Variants in RASSF2 observed in about 807,000 individuals in gnomAD.
The protein encoded by RASSF2 is Ras association domain family member 2.
RASSF2 carries 34 observed loss-of-function variants against 46.3 expected under a neutral mutation model. The ratio of observed to expected loss-of-function variants is 0.73; its 90% CI spans 0.56 to 0.98. The LOEUF is 0.98. RASSF2 is among the 50% of genes least tolerant of loss of function. The probability of loss-of-function intolerance (pLI) is 0.00; values close to 1 mark genes in which losing one functional copy is unlikely to be tolerated. For missense variants in RASSF2, 364 were observed against 431.2 expected, an observed-to-expected ratio of 0.84 and a Z score of 1.38; for synonymous variants, 158 against 162.5, an observed-to-expected ratio of 0.97 and a Z score of 0.21.
Position 4,788,285 on chromosome 20 carries a change from A to T in RASSF2, c.640-17T>A. The T allele has an allele frequency of 6.2e-7, 1 of 1,601,574 alleles. No homozygotes were observed. The highest frequency in any genetic ancestry group is 8.6e-7 in the Non-Finnish European group (1 of 1,168,572). ...ATTCTCAATCTGAAGCAGGAGCAAAAGATTCTTGTTGAAAGTTTCTATTTA... is the reference window on the plus strand; with the variant it reads ...ATTCTCAATCTGAAGCAGGAGCAAATGATTCTTGTTGAAAGTTTCTATTTA... On this transcript the variant is annotated splice_polypyrimidine_tract_variant and intron_variant, in intron 8 of 11. Coordinates refer to ENST00000379400, the MANE Select transcript of RASSF2 (RefSeq NM_014737.3).
chr20:4,789,724 G>T, intron 7 of RASSF2, 27 bp from the exon 8 acceptor site: 3 of 1,589,736 alleles, frequency 1.9e-6, no homozygotes, highest in Non-Finnish European at 8.6e-7. Flanking sequence ...CCAGCTCAGG[G>T]TGGGAGTGGG....
chr20:4,819,963 C>A (rs142904002), intron 2 of RASSF2, among the ~76,000 whole-genome samples: 2 of 152,206 alleles, frequency 1.3e-5, no homozygotes, highest in Non-Finnish European at 2.9e-5. Flanking sequence ...AAGCTGTCAC[C>A]GCAAACAGCA....
At chr20:4,808,159 G>A (rs900374812) in intron 2 of RASSF2, among the ~76,000 whole-genome samples, 2 of 152,214 alleles carry the variant, frequency 1.3e-5, no homozygotes, top group African/African-American at 4.8e-5. Context: ...ATTATCTGTG[G>A]CCTTGGAGAC....
In RASSF2 at chr20:4,784,295, G is replaced by A. The variant is rs201378100; in HGVS notation, c.959C>T (p.Ala320Val). ...LMIRQRLEEI[A>V]ETPATI ...GGCTCAGATTGTTGCTGGGGTCTCG[G>A]CTATCTCCTCCAGCCTCTGTCGAAT... is the stretch of plus-strand genomic sequence containing the variant. Residue 320 changes from alanine to valine, a missense_variant, in exon 12 of 12, where the codon GCC becomes GTC. Physicochemically the swap from Ala to Val is moderately conservative, Grantham distance 64. Transcript: ENST00000379400. The A allele has an allele frequency of 2.0e-5, 33 of 1,613,912 alleles. No individual in the cohort carries two copies. In the African/African-American group the frequency reaches 3.5e-4, roughly 17 times the overall value.
intron 6 of RASSF2, among the ~76,000 whole-genome samples, chr20:4,791,793 G>A (rs1199606796): frequency 6.6e-6 from 1 of 152,204 alleles, no homozygotes; most frequent in Non-Finnish European, 1.5e-5. Flanking sequence ...CCAGTAGGGA[G>A]TGATTACATA....
intron 2 of RASSF2, among the ~76,000 whole-genome samples, chr20:4,808,372 C>G (rs1601124227): frequency 6.6e-6 from 1 of 152,046 alleles, no homozygotes; most frequent in African/African-American, 2.4e-5. Context: ...GAGGGGCTTC[C>G]CACATCAGCC....
Position 4,812,206 on chromosome 20 carries a change from G to A in RASSF2, c.-33+10123C>T, listed in dbSNP as rs1311530313. 6.6e-6 allele frequency among the ~76,000 whole-genome samples: 1 copy of A among 152,196 alleles called. No individual in the cohort carries two copies. The highest frequency in any genetic ancestry group is 2.4e-5 in the African/African-American group (1 of 41,430). On this transcript the variant is annotated intron_variant, in intron 2 of 11. Coordinates refer to ENST00000379400, the MANE Select transcript of RASSF2 (RefSeq NM_014737.3). This position sits in a 1 kb window ranked among gnomAD's most constrained non-coding sequence, Gnocchi z 4.0. Reference sequence around the variant, plus strand: ...CATGGGCAAAATGTGGGCTGCCTCGGAAGGAAATGGCATACTCTGCCTTCT... The same window carrying A: ...CATGGGCAAAATGTGGGCTGCCTCGAAAGGAAATGGCATACTCTGCCTTCT...
At position 4,798,549 on chromosome 20, in the gene RASSF2, G is replaced by A. The variant is rs549045432; in HGVS notation, c.60-464C>T. 7.9e-5 allele frequency among the ~76,000 whole-genome samples: 12 copies of A among 152,294 alleles called. No homozygotes were observed. The South Asian group carries it at 1.2e-3, about 16-fold the overall frequency. ...TTCACAAGACTCAGAAGCTGGCTGC[G>A]CGCAGTGGCTCATGCCTGTAATCCC... On this transcript the variant is annotated intron_variant, in intron 3 of 11. Transcript: ENST00000379400.
chr20:4,821,788 G>A (rs1254596954), intron 2 of RASSF2, among the ~76,000 whole-genome samples: 1 of 152,086 alleles, frequency 6.6e-6, no homozygotes, highest in Non-Finnish European at 1.5e-5. Context: ...TCCAAGCTCA[G>A]CCATCATTTG....
At position 4,792,570 on chromosome 20, in the gene RASSF2, C is replaced by T. The variant is rs758087186; in HGVS notation, c.345G>A (p.Pro115=). The T allele has an allele frequency of 9.3e-6, 15 of 1,614,004 alleles. No individual in the cohort carries two copies. Among genetic ancestry groups the T allele is most frequent in the Non-Finnish European group, 1.1e-5 (13 of 1,180,020 alleles). The change falls in exon 6 of 12, where the codon CCG becomes CCA. Residue 115 remains proline (P), a synonymous_variant. Coordinates refer to ENST00000379400, the MANE Select transcript of RASSF2 (RefSeq NM_014737.3). ...PKVQISEVDA[P]PEGDQMPSST... ...AGCTTGGCATCTGGTCACCCTCCGGCGGGGCATCCACCTCTGAGATCTGAA... is the reference window on the plus strand; with the variant it reads ...AGCTTGGCATCTGGTCACCCTCCGGTGGGGCATCCACCTCTGAGATCTGAA...
intron 2 of RASSF2, among the ~76,000 whole-genome samples, chr20:4,811,762 C>A (rs997644160): frequency 3.3e-5 from 5 of 152,172 alleles, no homozygotes; most frequent in Admixed American, 1.3e-4. Context: ...ACCCCAGCCC[C>A]AGGCCCCAAG....
chr20:4,792,685 CG>C, intron 5 of RASSF2, 58 bp from the exon 6 acceptor site: 3 of 1,574,114 alleles, frequency 1.9e-6, no homozygotes, highest in Admixed American at 1.9e-5. Flanking sequence ...TGTGGAGAGA[CG>C]CCCCCGCACC....
intron 2 of RASSF2, among the ~76,000 whole-genome samples, chr20:4,811,268 T>C (rs532227323): frequency 4.3e-4 from 26 of 60,146 alleles, no homozygotes; most frequent in African/African-American, 1.3e-3. Flanking sequence ...GGAGGATCGC[T>C]TGAGCACAGA....
At chr20:4,800,732 C>T (rs924772449) in intron 3 of RASSF2, among the ~76,000 whole-genome samples, 11 of 152,134 alleles carry the variant, frequency 7.2e-5, no homozygotes, top group Admixed American at 1.3e-4. Context: ...AAAGTTTCTG[C>T]GTCTTGACTT....
chr20:4,797,572 GTGGGGACTC>G (rs55641248), intron 4 of RASSF2, among the ~76,000 whole-genome samples: 24,998 of 152,102 alleles, frequency 0.16, 2,186 homozygotes, highest in East Asian at 0.3. Flanking sequence ...CCCACTATCA[GTGGGGACTC>G]TGCTAACATC....
At chr20:4,816,724 T>C (rs1332383435) in intron 2 of RASSF2, among the ~76,000 whole-genome samples, 4 of 152,218 alleles carry the variant, frequency 2.6e-5, no homozygotes, top group Non-Finnish European at 4.4e-5. Context: ...ATAATCACTA[T>C]TGACATTTTA....
At chr20:4,806,037 C>T (rs576757973) in intron 2 of RASSF2, among the ~76,000 whole-genome samples, 2 of 152,178 alleles carry the variant, frequency 1.3e-5, no homozygotes, top group East Asian at 1.9e-4. Context: ...ATGAGGTCAT[C>T]GGGAAAGAAC....
intron 9 of RASSF2, 27 bp from the exon 10 acceptor site, chr20:4,787,781 C>A: frequency 6.2e-7 from 1 of 1,613,864 alleles, no homozygotes; most frequent in Non-Finnish European, 8.5e-7. Flanking sequence ...CCAGGAGCAG[C>A]CCTGAGAGGC....
Position 4,795,914 on chromosome 20 carries a change from C to A in RASSF2, c.188G>T (p.Arg63Leu). The A allele has an allele frequency of 6.3e-7, 1 of 1,597,076 alleles. No individual in the cohort carries two copies. ...EGLLNISWGL[R>L]RPIRLQMQDD... ...CTGCATCTGCAGGCGAATGGGCCGG[C>A]GCAGGCCCCAGGAGATGTTCAGGAG... The change falls in exon 5 of 12, where the codon CGC becomes CTC. Residue 63 changes from arginine to leucine, a missense_variant. Arg to Leu is a moderately radical substitution (Grantham distance 102). Transcript: ENST00000379400. This position sits in a 1 kb window ranked among gnomAD's most constrained non-coding sequence, Gnocchi z 4.0.
Sources: allele counts gnomAD v4.1 joint callset (sites outside exome capture counted in the v4.1 genomes callset), GRCh38; gene constraint gnomAD v4.1.1; non-coding constraint Gnocchi (gnomAD v3.1); transcripts MANE v1.5; gene names NCBI Gene and HGNC (gene_info 2026-07-23, HGNC 2026-07-21).